SYT9: variants seen among roughly 807,000 people sequenced by gnomAD.
SYT9 encodes the protein synaptotagmin-9.
A neutral mutation model predicts 48.4 loss-of-function variants in SYT9; 22 were observed. The observed-to-expected ratio is 0.45, with a 90% confidence interval of 0.32 to 0.65. The LOEUF (loss-of-function observed/expected upper bound fraction) is 0.65. Among genes scored for constraint, SYT9 ranks in the 30% least tolerant of loss-of-function variants. The pLI is 0.03. For synonymous variants in SYT9, 265 were observed against 245.0 expected, an observed-to-expected ratio of 1.08 and a Z score of -0.76; for missense variants, 577 against 622.0, an observed-to-expected ratio of 0.93 and a Z score of 0.77.
At chr11:7,362,880 G>A (rs549750047) in intron 3 of SYT9, among the ~76,000 whole-genome samples, 20 of 123,470 alleles carry the variant, frequency 1.6e-4, no homozygotes, top group Non-Finnish European at 2.8e-4. Flanking sequence ...CCCATTTTAT[G>A]ATTTTTTGCT....
intron 6 of SYT9, among the ~76,000 whole-genome samples, chr11:7,433,932 G>A (rs1317636419): frequency 6.6e-6 from 1 of 152,190 alleles, no homozygotes; most frequent in Non-Finnish European, 1.5e-5. Flanking sequence ...AAATAAGGCT[G>A]AGTTGGAGCC....
At chr11:7,275,494 T>C (rs1451293073) in intron 1 of SYT9, among the ~76,000 whole-genome samples, 3 of 152,246 alleles carry the variant, frequency 2.0e-5, no homozygotes, top group Non-Finnish European at 2.9e-5. Context: ...TTTTCTTTCA[T>C]GGGTTTCTTT....
chr11:7,345,675 A>T (rs1227186755), intron 3 of SYT9, among the ~76,000 whole-genome samples: 2 of 152,240 alleles, frequency 1.3e-5, no homozygotes, highest in Non-Finnish European at 2.9e-5. Flanking sequence ...AGTATAAAAA[A>T]ATCAAAAAAC....
chr11:7,263,978 G>T (rs1848127795), intron 1 of SYT9, among the ~76,000 whole-genome samples: 1 of 152,152 alleles, frequency 6.6e-6, no homozygotes, highest in Non-Finnish European at 1.5e-5. Flanking sequence ...AAATGATGTA[G>T]AGGATTAAAC....
intron 1 of SYT9, among the ~76,000 whole-genome samples, chr11:7,277,517 ATTT>A (rs375213456): frequency 6.6e-6 from 1 of 151,912 alleles, no homozygotes; most frequent in Non-Finnish European, 1.5e-5. Flanking sequence ...GATTACATCC[ATTT>A]TTTTTTGTCT....
intron 3 of SYT9, among the ~76,000 whole-genome samples, chr11:7,317,018 A>T (rs904410905): frequency 6.6e-6 from 1 of 152,130 alleles, no homozygotes; most frequent in African/African-American, 2.4e-5. Flanking sequence ...CTTGTTGGTT[A>T]TGTGTTTTAC....
chr11:7,306,747 C>T (rs956432637), intron 2 of SYT9, among the ~76,000 whole-genome samples: 1 of 152,180 alleles, frequency 6.6e-6, no homozygotes, highest in Non-Finnish European at 1.5e-5. Flanking sequence ...TTCTGTCCCC[C>T]ACTCCTTCCC....
At chr11:7,370,039 C>G (rs1589978099) in intron 3 of SYT9, among the ~76,000 whole-genome samples, 1 of 152,006 alleles carries the variant, frequency 6.6e-6, no homozygotes, top group South Asian at 2.1e-4. Flanking sequence ...AGTCTTCTAT[C>G]GCTCACCCCA....
Position 7,468,691 on chromosome 11 carries a change from G to T in SYT9, c.*1891G>T. 5.9e-6 allele frequency: 1 copy of T among 170,306 alleles called. No individual in the cohort carries two copies. The highest frequency in any genetic ancestry group is 1.2e-5 in the Non-Finnish European group (1 of 80,310). 10.5% of individuals were successfully genotyped at this position (170,306 alleles called of 1,614,324 possible). On this transcript the variant is annotated 3_prime_UTR_variant, in exon 7 of 7. Coordinates refer to ENST00000318881, the MANE Select transcript of SYT9 (RefSeq NM_175733.4). ...CAGCAATCCCAATAAATTCTGACAT[G>T]TCCTTGGCAATGGAAGCCTGGGTTG...
chr11:7,304,301 T>A (rs771560760), intron 2 of SYT9, among the ~76,000 whole-genome samples: 1 of 152,128 alleles, frequency 6.6e-6, no homozygotes, highest in Non-Finnish European at 1.5e-5. Context: ...CACAAAAGTG[T>A]GTTTGAGGCT....
At chr11:7,443,795 G>C (rs1375323876) in intron 6 of SYT9, among the ~76,000 whole-genome samples, 1 of 152,198 alleles carries the variant, frequency 6.6e-6, no homozygotes, top group African/African-American at 2.4e-5. Flanking sequence ...CCTTCACATA[G>C]TACCTGGCAC....
At chr11:7,247,013 G>A (rs1202240078), upstream of SYT9, among the ~76,000 whole-genome samples, 1 of 152,196 alleles carries the variant, frequency 6.6e-6, no homozygotes, top group African/African-American at 2.4e-5. Flanking sequence ...TCTAGTGAGG[G>A]CTTTCTTCCT....
At chr11:7,383,843 G>A (rs1029995910) in intron 3 of SYT9, among the ~76,000 whole-genome samples, 2 of 152,118 alleles carry the variant, frequency 1.3e-5, no homozygotes, top group Admixed American at 1.3e-4. Context: ...TGCACTATAT[G>A]TCTAGGCTGC....
intron 1 of SYT9, among the ~76,000 whole-genome samples, chr11:7,276,905 AT>A (rs1323142004): frequency 6.6e-6 from 1 of 151,658 alleles, no homozygotes; most frequent in Non-Finnish European, 1.5e-5. Flanking sequence ...AAAAAAAAAA[AT>A]AGCTGGGTGT....
At chr11:7,326,698 G>C (rs1382468985) in intron 3 of SYT9, among the ~76,000 whole-genome samples, 1 of 122,982 alleles carries the variant, frequency 8.1e-6, no homozygotes, top group Non-Finnish European at 1.7e-5. Context: ...AACCAAAACA[G>C]CATGGTACTG....
chr11:7,463,675 T>C (rs1848273993), intron 6 of SYT9, among the ~76,000 whole-genome samples: 1 of 152,186 alleles, frequency 6.6e-6, no homozygotes, highest in African/African-American at 2.4e-5. Context: ...AATCCTGTCA[T>C]CTTGTGGGCT....
intron 1 of SYT9, among the ~76,000 whole-genome samples, chr11:7,280,839 A>T (rs886398333): frequency 6.6e-6 from 1 of 152,252 alleles, no homozygotes; most frequent in African/African-American, 2.4e-5. Context: ...CACTGAGAGC[A>T]TAGACAATAA....
chr11:7,374,352 C>T (rs1206742053), intron 3 of SYT9, among the ~76,000 whole-genome samples: 5 of 152,118 alleles, frequency 3.3e-5, no homozygotes, highest in Admixed American at 6.5e-5. Context: ...CAAGTCTTTG[C>T]TATTGTGGAT....
At chr11:7,357,490 A>T in intron 3 of SYT9, among the ~76,000 whole-genome samples, 1 of 152,284 alleles carries the variant, frequency 6.6e-6, no homozygotes, top group East Asian at 1.9e-4. Context: ...AGATGAACCG[A>T]TAGTAATTGG....
Sources: allele counts gnomAD v4.1 joint callset (sites outside exome capture counted in the v4.1 genomes callset), GRCh38; gene constraint gnomAD v4.1.1; transcripts MANE v1.5; gene names NCBI Gene and HGNC (gene_info 2026-07-23, HGNC 2026-07-21).